The following ACYP2 variants were observed in gnomAD, a reference collection of about 807,000 sequenced individuals.
The protein encoded by ACYP2 is acylphosphatase-2.
ACYP2 carries 12 observed loss-of-function variants against 11.2 expected under a neutral mutation model. The observed-to-expected ratio is 1.08, with a 90% CI of 0.69 to 1.74. ACYP2 has a LOEUF of 1.74. ACYP2 is among the 40% of genes most tolerant of loss of function. The pLI, the probability that ACYP2 is intolerant of heterozygous loss-of-function variation, is 0.00. For missense variants in ACYP2, 134 were observed against 101.9 expected (o/e 1.31, Z -1.35); for synonymous variants, 43 against 32.2 (o/e 1.33, Z -1.13).
At chr2:54,096,294 TCCTCACTTCCTAGATGGGATGGC>T in intron 4 of ACYP2, among the ~76,000 whole-genome samples, 8 of 138,156 alleles carry the variant, frequency 5.8e-5, no homozygotes, top group African/African-American at 2.2e-4. Context: ...GCAGAGACGC[TCCTCACTTCCTAGATGGGATGGC>T]GGCCGGGCAG....
At chr2:53,991,766 C>T (rs575153778) in intron 2 of ACYP2, among the ~76,000 whole-genome samples, 4 of 151,972 alleles carry the variant, frequency 2.6e-5, no homozygotes, top group African/African-American at 9.6e-5. Flanking sequence ...CCGACCTTCT[C>T]TCAATTTTTT....
At chr2:54,164,576 A>G (rs1184197091) in intron 6 of ACYP2, among the ~76,000 whole-genome samples, 1 of 152,206 alleles carries the variant, frequency 6.6e-6, no homozygotes, top group Non-Finnish European at 1.5e-5. Flanking sequence ...ATATAAACTG[A>G]AAATATAAAC....
chr2:54,105,361 C>A (rs896696777), intron 4 of ACYP2, among the ~76,000 whole-genome samples: 12 of 152,166 alleles, frequency 7.9e-5, no homozygotes, highest in African/African-American at 2.7e-4. Flanking sequence ...GGATTAAGTT[C>A]TCCCACCTTT....
intron 4 of ACYP2, among the ~76,000 whole-genome samples, chr2:54,101,480 C>G (rs1024829523): frequency 6.6e-6 from 1 of 151,992 alleles, no homozygotes. Context: ...AGCAGCCTGA[C>G]CAACATGGTG....
chr2:54,185,849 T>C (rs761565545), intron 6 of ACYP2, among the ~76,000 whole-genome samples: 1 of 152,096 alleles, frequency 6.6e-6, no homozygotes, highest in Non-Finnish European at 1.5e-5. Flanking sequence ...GAAAGTCAAA[T>C]AAAATATGAA....
At chr2:54,182,630 T>C (rs1683793818) in intron 6 of ACYP2, among the ~76,000 whole-genome samples, 1 of 152,134 alleles carries the variant, frequency 6.6e-6, no homozygotes, top group African/African-American at 2.4e-5. Flanking sequence ...GAGTGACCAT[T>C]CCTGGTAGAA....
In ACYP2 at chr2:54,081,753, C is replaced by T. The variant is rs1171372099; in HGVS notation, c.277+24393C>T. 3.3e-5 allele frequency among the ~76,000 whole-genome samples: 5 copies of T among 152,284 alleles called. No individual in the cohort carries two copies. The East Asian group carries it at 7.7e-4, about 23-fold the overall frequency. ...GCTTTTACATGTCTGATGATCTGGT[C>T]GGGTGGGTGGTTCTCCTGTTCTGAG... On this transcript the variant is annotated intron_variant, in intron 4 of 6. Coordinates refer to ENST00000607452, the MANE Select transcript of ACYP2 (RefSeq NM_001320586.2).
intron 4 of ACYP2, among the ~76,000 whole-genome samples, chr2:54,085,630 A>G (rs1677908166): frequency 6.6e-6 from 1 of 152,160 alleles, no homozygotes; most frequent in Non-Finnish European, 1.5e-5. Context: ...TGGCTTTGTT[A>G]TAAGTTGTTT....
chr2:54,175,623 C>T (rs1683427389), intron 6 of ACYP2, among the ~76,000 whole-genome samples: 1 of 151,850 alleles, frequency 6.6e-6, no homozygotes, highest in Non-Finnish European at 1.5e-5. Context: ...ATTGTGATCT[C>T]CCAAAGTGCT....
intron 6 of ACYP2, among the ~76,000 whole-genome samples, chr2:54,297,362 G>A (rs1246870171): frequency 6.6e-6 from 1 of 152,098 alleles, no homozygotes; most frequent in East Asian, 1.9e-4. Context: ...GCCAGGCATG[G>A]TGGCTCATTC....
rs550142135 is a variant in ACYP2 at position 54,035,009 on chromosome 2, C to CAAAAAAAAAAAAAAAAAAAAAAA, written c.63-15948_63-15926dup. On this transcript the variant is annotated intron_variant, in intron 2 of 6. Coordinates refer to ENST00000607452, the MANE Select transcript of ACYP2 (RefSeq NM_001320586.2). ...CAGGCGACAGTGCGAGACTACATCT[C>CAAAAAAAAAAAAAAAAAAAAAAA]AAAAAAAAAAAAAAAAAAAAAAAGC... Among the ~76,000 whole-genome samples the CAAAAAAAAAAAAAAAAAAAAAAA allele has an allele frequency of 1.7e-3, 78 of 44,774 alleles. 8 individuals carry two copies. The highest frequency in any genetic ancestry group is 2.3e-3 in the Non-Finnish European group (44 of 18,948). 29.4% of individuals were successfully genotyped at this position (44,774 alleles called of 152,430 possible).
intron 6 of ACYP2, among the ~76,000 whole-genome samples, chr2:54,250,209 G>A (rs1449111954): frequency 6.6e-6 from 1 of 152,176 alleles, no homozygotes; most frequent in Non-Finnish European, 1.5e-5. Context: ...GCCAGGCGTG[G>A]TGGCTCACGC....
chr2:54,161,245 CT>C (rs1558578488), intron 6 of ACYP2, among the ~76,000 whole-genome samples: 1 of 152,180 alleles, frequency 6.6e-6, no homozygotes, highest in Non-Finnish European at 1.5e-5. Context: ...ACCTGGGGAG[CT>C]TTTACATGGC....
At chr2:54,103,566 C>A (rs1056922423) in intron 4 of ACYP2, among the ~76,000 whole-genome samples, 1 of 152,160 alleles carries the variant, frequency 6.6e-6, no homozygotes, top group Non-Finnish European at 1.5e-5. Flanking sequence ...TTTTACTCAT[C>A]CTCATTCTAA....
intron 6 of ACYP2, among the ~76,000 whole-genome samples, chr2:54,178,503 CCACCA>C (rs560351345): frequency 3.3e-5 from 5 of 152,124 alleles, no homozygotes; most frequent in African/African-American, 4.8e-5. Context: ...TGCCCCAATC[CCACCA>C]CATTAAGATC....
intron 6 of ACYP2, among the ~76,000 whole-genome samples, chr2:54,232,333 G>A (rs140555542): frequency 3.3e-4 from 50 of 152,184 alleles, no homozygotes; most frequent in African/African-American, 1.0e-3. Context: ...GGCTTCCTTC[G>A]ACAGGACCAG....
intron 6 of ACYP2, among the ~76,000 whole-genome samples, chr2:54,146,887 C>A (rs1424700917): frequency 1.3e-5 from 2 of 151,740 alleles, no homozygotes; most frequent in Non-Finnish European, 2.9e-5. Flanking sequence ...CTCCACCTCC[C>A]AGGTTCAAGC....
chr2:54,025,760 TAA>T (rs1318455696), intron 2 of ACYP2, among the ~76,000 whole-genome samples: 2 of 152,082 alleles, frequency 1.3e-5, no homozygotes, highest in Non-Finnish European at 2.9e-5. Context: ...TTAATTAAAC[TAA>T]AAAGCTTCTG....
chr2:54,004,212 C>G (rs980034020), intron 2 of ACYP2, among the ~76,000 whole-genome samples: 1 of 151,994 alleles, frequency 6.6e-6, no homozygotes, highest in Non-Finnish European at 1.5e-5. Flanking sequence ...GTCTTGAACT[C>G]TGGACCTCAG....
Sources: gnomAD v4.1 joint callset for allele counts (sites outside exome capture counted in the v4.1 genomes callset) on GRCh38, gnomAD v4.1.1 for gene constraint, MANE v1.5 for transcripts, NCBI Gene and HGNC (gene_info 2026-07-23, HGNC 2026-07-21) for gene names.